Variants in SLC26A5 observed in about 807,000 individuals in gnomAD.
SLC26A5 encodes the protein prestin.
SLC26A5 carries 51 observed loss-of-function variants against 81.0 expected under a neutral mutation model. That is an observed-to-expected ratio of 0.63 (90% CI 0.50 to 0.80). The LOEUF is 0.80. SLC26A5 is among the 30% of genes least tolerant of loss of function. The pLI, the probability that SLC26A5 is intolerant of heterozygous loss-of-function variation, is 0.00. For synonymous variants in SLC26A5, 325 were observed against 332.8 expected (o/e 0.98, Z 0.25); for missense variants, 771 against 905.8 (o/e 0.85, Z 1.91).
At chr7:103,358,156 T>C (rs980787892) in intron 19 of SLC26A5, among the ~76,000 whole-genome samples, 6 of 152,204 alleles carry the variant, frequency 3.9e-5, no homozygotes, top group Admixed American at 1.3e-4. Flanking sequence ...ACAGTTCTTT[T>C]CCCTTCAAAA....
Position 103,390,492 on chromosome 7 carries a change from C to T in SLC26A5, c.1248G>A (p.Leu416=). ...TGACCAGCAGAATCATTAATGAGGCCAAACAACCTGCAAGCTGAATGAGAG... is the reference window on the plus strand; with the variant it reads ...TGACCAGCAGAATCATTAATGAGGCTAAACAACCTGCAAGCTGAATGAGAG... ...TGGKTQLAGC[L]ASLMILLVIL... is the part of the protein sequence containing the mutation. The change falls in exon 12 of 20, where the codon TTG becomes TTA. Residue 416 remains leucine, a synonymous_variant. Coordinates refer to ENST00000306312, the MANE Select transcript of SLC26A5 (RefSeq NM_198999.3). 1 of 1,614,012 alleles carries T rather than the reference C, an allele frequency of 6.2e-7. No homozygotes were observed. Among genetic ancestry groups the T allele is most frequent in the African/African-American group, 1.3e-5 (1 of 75,010 alleles).
chr7:103,392,145 G>A (rs764565997), intron 10 of SLC26A5, among the ~76,000 whole-genome samples: 1 of 152,104 alleles, frequency 6.6e-6, no homozygotes, highest in Admixed American at 6.5e-5. Context: ...GTCTTCCTGG[G>A]GCAAGTGAGT....
At position 103,408,027 on chromosome 7, in the gene SLC26A5, G is replaced by GT. The variant is rs1287377379; in HGVS notation, c.736-25dup. The stretch of plus-strand genomic sequence containing the variant: ...CTCTGTAACACAGTGAATGCTGGAT[G>GT]TTTACATCAAGAAATCGCCCCTGAG... On this transcript the variant is annotated intron_variant, in intron 7 of 19. Coordinates refer to ENST00000306312, the MANE Select transcript of SLC26A5 (RefSeq NM_198999.3). 5 of 1,613,720 alleles carry GT rather than the reference G, an allele frequency of 3.1e-6. No homozygotes were observed. The African/African-American group carries it at 4.0e-5, about 13-fold the overall frequency.
rs767142791 is a variant in SLC26A5 at position 103,374,462 on chromosome 7, G to GCACA, written c.2171_2172insTGTG (p.Ser725ValfsTer20). 1.2e-6 allele frequency: 2 copies of GCACA among 1,613,278 alleles called. No homozygotes were observed. Among genetic ancestry groups the GCACA allele is most frequent in the South Asian group, 2.2e-5 (2 of 91,022 alleles). ...AGTCCTCCTGGGAAGGGGGAGCCGA[G>GCACA]GCTTCCTGTTCAGCAAGTGCCTCTC... On this transcript the variant is annotated frameshift_variant, in exon 20 of 20. Transcript: ENST00000306312. LOFTEE classifies it high-confidence loss of function.
chr7:103,439,528 G>GT lies in SLC26A5; in HGVS notation c.-54+3554dup, dbSNP rs202186768. 6.1e-3 allele frequency among the ~76,000 whole-genome samples: 912 copies of GT among 148,524 alleles called. 3 individuals are homozygous for GT. Among genetic ancestry groups the GT allele is most frequent in the Middle Eastern group, 0.031 (9 of 294 alleles). On this transcript the variant is annotated intron_variant, in intron 2 of 19. Coordinates refer to ENST00000306312, the MANE Select transcript of SLC26A5 (RefSeq NM_198999.3). ...ATGGACTTCCTTGCTGTCTGTTGTT[G>GT]TTGTTTGTTTGTTTGTTTGTTTTGA... is the stretch of plus-strand genomic sequence containing the variant.
intron 19 of SLC26A5, among the ~76,000 whole-genome samples, chr7:103,355,253 A>G (rs1442980150): frequency 6.6e-6 from 1 of 152,230 alleles, no homozygotes; most frequent in Non-Finnish European, 1.5e-5. Flanking sequence ...TTGGATAAAA[A>G]TAAGATCTCA....
chr7:103,441,036 A>G lies in SLC26A5; in HGVS notation c.-54+2047T>C, dbSNP rs1397836992. On this transcript the variant is annotated intron_variant, in intron 2 of 19. Transcript: ENST00000306312. Reference sequence around the variant, plus strand: ...GGGCCATAAGCCCACATTTGTCAACATGGAGCAGGTGGGATATGGTGATCT... The same window carrying G: ...GGGCCATAAGCCCACATTTGTCAACGTGGAGCAGGTGGGATATGGTGATCT... Among the ~76,000 whole-genome samples the G allele has an allele frequency of 5.9e-5, 9 of 152,326 alleles. No homozygotes were observed. In the East Asian group the frequency reaches 1.7e-3, roughly 29 times the overall value.
chr7:103,408,573 C>A (rs1251310417), intron 7 of SLC26A5, among the ~76,000 whole-genome samples: 3 of 152,150 alleles, frequency 2.0e-5, no homozygotes, highest in Non-Finnish European at 2.9e-5. Flanking sequence ...ATGCTGATGT[C>A]TCAATGTAAT....
intron 19 of SLC26A5, among the ~76,000 whole-genome samples, chr7:103,376,128 T>A (rs1296481564): frequency 6.6e-6 from 1 of 150,490 alleles, no homozygotes; most frequent in East Asian, 2.0e-4. Context: ...CAGGCTGGAG[T>A]GTAGTGGCGT....
chr7:103,392,898 C>G, intron 10 of SLC26A5, 21 bp downstream of exon 10: 1 of 1,613,818 alleles, frequency 6.2e-7, no homozygotes. Context: ...GAAACATGTG[C>G]AGGAAACTGA....
Position 103,359,170 on chromosome 7 carries a change from T to A in SLC26A5, c.2042-6244A>T, listed in dbSNP as rs1048511261. Among the ~76,000 whole-genome samples the A allele has an allele frequency of 2.0e-4, 26 of 129,950 alleles. No homozygotes were observed. In the East Asian group the frequency reaches 4.4e-3, roughly 22 times the overall value. 85.3% of individuals were successfully genotyped at this position (129,950 alleles called of 152,430 possible). On this transcript the variant is annotated intron_variant, in intron 19 of 19. Transcript: ENST00000339444. ...TTTTTTTTTTTTTTTTTTTTTTTTT[T>A]AATTTTTAGTAGAGACAGGGTCTTG...
intron 19 of SLC26A5, chr7:103,362,613 A>T (rs1374560776): frequency 2.2e-5 from 32 of 1,483,754 alleles, no homozygotes; most frequent in Non-Finnish European, 3.0e-5. Context: ...GGTTTTGGGG[A>T]TAAAGGACTA....
In SLC26A5 at chr7:103,378,480, T is replaced by C. The variant is rs1209797795; in HGVS notation, c.1751A>G (p.Asn584Ser). Residue 584 changes from asparagine to serine, a missense_variant, in exon 17 of 20, where the codon AAT becomes AGT. Transcript: ENST00000306312. The part of the protein sequence containing the change: ...AMRKYAKEVG[N>S]ANMANATVVK... ...AACAGTTGCGTTGGCCATATTTGCA[T>C]TTCCGACTTCCTTAGCGTACTTCCG... The C allele has an allele frequency of 6.2e-6, 10 of 1,614,086 alleles. No homozygotes were observed. The highest frequency in any genetic ancestry group is 8.5e-6 in the Non-Finnish European group (10 of 1,180,024).
intron 4 of SLC26A5, among the ~76,000 whole-genome samples, chr7:103,415,721 C>G (rs1326572944): frequency 1.3e-5 from 2 of 152,028 alleles, no homozygotes; most frequent in African/African-American, 4.8e-5. Context: ...TTTTTTCTTT[C>G]TAGTCTGAGA....
At position 103,413,014 on chromosome 7, in the gene SLC26A5, G is replaced by A. The variant is rs759057968; in HGVS notation, c.391C>T (p.His131Tyr). Residue 131 changes from histidine to tyrosine, a missense_variant, in exon 5 of 20, where the codon CAC (histidine) becomes TAC (tyrosine). By Grantham distance (83) the His-to-Tyr change is moderately conservative (BLOSUM62 2). Transcript: ENST00000306312. ...IMYCFLGTSR[H>Y]ISIGPFAVIS... ...TGTAAGCTTTTACCTATGGATATGT[G>A]TCTGGAGGTTCCAAGAAAACAATAC... 1.2e-6 allele frequency: 2 copies of A among 1,605,256 alleles called. No individual in the cohort carries two copies. Among genetic ancestry groups the A allele is most frequent in the Non-Finnish European group, 1.7e-6 (2 of 1,171,954 alleles).
At chr7:103,381,125 C>T (rs535668967) in intron 14 of SLC26A5, among the ~76,000 whole-genome samples, 3 of 151,622 alleles carry the variant, frequency 2.0e-5, no homozygotes, top group East Asian at 3.9e-4. Context: ...ATATACTATG[C>T]AATGCACACC....
intron 18 of SLC26A5, 50 bp from the exon 19 acceptor site, chr7:103,376,912 T>G (rs754995093): frequency 8.0e-7 from 1 of 1,250,332 alleles, no homozygotes; most frequent in East Asian, 2.3e-5. Context: ...CTGTGCCAGA[T>G]GAAAGTCTCT....
downstream of SLC26A5, among the ~76,000 whole-genome samples, chr7:103,372,975 G>A (rs1821120722): frequency 6.6e-6 from 1 of 151,962 alleles, no homozygotes; most frequent in Non-Finnish European, 1.5e-5. Context: ...CATTCAACCT[G>A]CCCTTCTGGT....
chr7:103,371,299 A>C (rs1337089722), downstream of SLC26A5, among the ~76,000 whole-genome samples: 2 of 148,912 alleles, frequency 1.3e-5, no homozygotes, highest in East Asian at 3.8e-4. Flanking sequence ...ACAAATGTAT[A>C]AGACAAATAC....
Sources: allele counts gnomAD v4.1 joint callset (sites outside exome capture counted in the v4.1 genomes callset), GRCh38; gene constraint gnomAD v4.1.1; transcripts MANE v1.5; gene names NCBI Gene and HGNC (gene_info 2026-07-23, HGNC 2026-07-21).